Variants in SARNP observed in about 807,000 individuals in gnomAD.
SARNP encodes SAP domain-containing ribonucleoprotein.
In SARNP, 5 loss-of-function variants were observed where a neutral mutation model predicts 38.1. The ratio of observed to expected loss-of-function variants is 0.13; its 90% confidence interval spans 0.07 to 0.28. The LOEUF is 0.28. Among genes scored for constraint, SARNP ranks in the 10% least tolerant of loss-of-function variants. The pLI is 1.00. For synonymous variants in SARNP, 84 were observed against 80.6 expected (o/e 1.04, Z -0.23); for missense variants, 180 against 243.9 (o/e 0.74, Z 1.75).
At chr12:55,763,872 A>G in intron 9 of SARNP, among the ~76,000 whole-genome samples, 1 of 152,200 alleles carries the variant, frequency 6.6e-6, no homozygotes, top group South Asian at 2.1e-4. Context: ...AAATAATACG[A>G]GGATTGGAAT....
intron 9 of SARNP, among the ~76,000 whole-genome samples, chr12:55,764,445 C>T (rs1460050950): frequency 2.7e-5 from 4 of 150,906 alleles, no homozygotes; most frequent in African/African-American, 4.9e-5. Flanking sequence ...GCAGGAGAAG[C>T]GCTTGAACCC....
At chr12:55,772,828 C>G (rs1482903385) in intron 9 of SARNP, among the ~76,000 whole-genome samples, 1 of 151,496 alleles carries the variant, frequency 6.6e-6, no homozygotes, top group Non-Finnish European at 1.5e-5. Flanking sequence ...GATTCTCCTG[C>G]CTCAGCCTCC....
At chr12:55,769,337 A>G (rs186490057) in intron 9 of SARNP, among the ~76,000 whole-genome samples, 5 of 152,360 alleles carry the variant, frequency 3.3e-5, no homozygotes, top group East Asian at 3.9e-4. Flanking sequence ...ACAGAGATCA[A>G]TAAGATAAAG....
intron 4 of SARNP, among the ~76,000 whole-genome samples, chr12:55,798,318 C>G (rs1246824553): frequency 1.3e-5 from 2 of 151,990 alleles, no homozygotes; most frequent in African/African-American, 2.4e-5. Flanking sequence ...GCAAACACGG[C>G]GAAACCCCAT....
chr12:55,817,550 G>A (rs760103005), intron 1 of SARNP, 116 bp downstream of exon 1: 53 of 930,350 alleles, frequency 5.7e-5, no homozygotes, highest in Admixed American at 2.3e-4. Flanking sequence ...TACGGCGGGA[G>A]CCGAGAAACG....
chr12:55,805,617 C>T (rs1164719662), intron 1 of SARNP, among the ~76,000 whole-genome samples: 5 of 152,178 alleles, frequency 3.3e-5, no homozygotes, highest in African/African-American at 9.7e-5. Context: ...GGGGCCTAGG[C>T]AGGCAGATCA....
At chr12:55,817,206 G>A (rs1010059824) in intron 1 of SARNP, among the ~76,000 whole-genome samples, 1 of 152,026 alleles carries the variant, frequency 6.6e-6, no homozygotes, top group Non-Finnish European at 1.5e-5. Context: ...CTGAGTGTCT[G>A]GTACCTATTT....
intron 9 of SARNP, among the ~76,000 whole-genome samples, chr12:55,785,481 A>G (rs781409100): frequency 4.1e-5 from 6 of 146,798 alleles, no homozygotes; most frequent in Non-Finnish European, 7.6e-5. Flanking sequence ...ACTGTATACA[A>G]TTTTTTTTTT....
At chr12:55,764,640 T>C (rs2136178589) in intron 9 of SARNP, among the ~76,000 whole-genome samples, 1 of 149,858 alleles carries the variant, frequency 6.7e-6, no homozygotes, top group Non-Finnish European at 1.5e-5. Flanking sequence ...ATAGAGACTA[T>C]CCTGGCCAAC....
chr12:55,760,535 C>T lies in SARNP; in HGVS notation c.591+16G>A. 2 of 1,471,820 alleles carry T rather than the reference C, an allele frequency of 1.4e-6. No homozygotes were observed. Among genetic ancestry groups the T allele is most frequent in the Non-Finnish European group, 1.9e-6 (2 of 1,050,118 alleles). The allele number at this position is 1,471,820 out of a possible 1,614,324, so 91.2% of individuals were successfully genotyped here. ...TTCCCTTCAAGGTCTATGAAGCGTT[C>T]CAGGTATATTTTTACCTCTGTATCC... On this transcript the variant is annotated intron_variant, in intron 10 of 10. Transcript: ENST00000336133.
intron 9 of SARNP, among the ~76,000 whole-genome samples, chr12:55,782,899 C>A (rs1004208089): frequency 2.0e-5 from 3 of 152,014 alleles, no homozygotes; most frequent in Non-Finnish European, 1.5e-5. Context: ...CTGCTTGAGT[C>A]CAGGAGTTCA....
intron 5 of SARNP, among the ~76,000 whole-genome samples, chr12:55,795,816 A>T (rs1879803130): frequency 6.6e-6 from 1 of 152,242 alleles, no homozygotes; most frequent in Non-Finnish European, 1.5e-5. Context: ...AATATTACAT[A>T]TAAAAAGACT....
chr12:55,774,055 A>G (rs1242894236), intron 9 of SARNP, among the ~76,000 whole-genome samples: 1 of 151,998 alleles, frequency 6.6e-6, no homozygotes. Context: ...CCCAGGCTGG[A>G]GTGCAGTGGC....
intron 1 of SARNP, 81 bp downstream of exon 1, chr12:55,817,585 G>A: frequency 2.2e-6 from 3 of 1,336,214 alleles, no homozygotes; most frequent in Non-Finnish European, 3.2e-6. Flanking sequence ...GCACGGAGAA[G>A]ACGTAGGAGA....
chr12:55,791,576 T>A (rs1289306715), intron 7 of SARNP, among the ~76,000 whole-genome samples: 1 of 151,974 alleles, frequency 6.6e-6, no homozygotes, highest in African/African-American at 2.4e-5. Context: ...ACACCTGTAG[T>A]CCCAGCTACT....
intron 9 of SARNP, chr12:55,760,858 A>C: frequency 2.0e-6 from 1 of 496,080 alleles, no homozygotes; most frequent in Non-Finnish European, 3.6e-6. Flanking sequence ...CAGGGCCTCA[A>C]TACTCATAAG....
intron 9 of SARNP, among the ~76,000 whole-genome samples, chr12:55,776,861 A>G (rs1158075446): frequency 6.6e-6 from 1 of 152,230 alleles, no homozygotes; most frequent in Non-Finnish European, 1.5e-5. Context: ...CATCTCAAGA[A>G]CCAGGCTGGC....
chr12:55,771,836 G>A (rs1321633326), intron 9 of SARNP, among the ~76,000 whole-genome samples: 1 of 152,166 alleles, frequency 6.6e-6, no homozygotes, highest in Non-Finnish European at 1.5e-5. Flanking sequence ...CTGATGGCAG[G>A]ATGAAAAGCA....
At chr12:55,810,020 A>T (rs1880278983) in intron 1 of SARNP, among the ~76,000 whole-genome samples, 1 of 152,210 alleles carries the variant, frequency 6.6e-6, no homozygotes, top group Non-Finnish European at 1.5e-5. Flanking sequence ...TCAATAAAGC[A>T]TTCTCCATTC....
Sources: gnomAD v4.1 joint callset for allele counts (sites outside exome capture counted in the v4.1 genomes callset) on GRCh38, gnomAD v4.1.1 for gene constraint, MANE v1.5 for transcripts, NCBI Gene and HGNC (gene_info 2026-07-23, HGNC 2026-07-21) for gene names.